Variants in RGS6 observed in about 807,000 individuals in gnomAD.
RGS6 encodes the protein regulator of G protein signaling 6, also known as regulator of G-protein signaling 6.
RGS6 carries 30 observed loss-of-function variants against 78.5 expected under a neutral mutation model. The observed-to-expected ratio is 0.38, with a 90% CI of 0.29 to 0.52. The LOEUF (loss-of-function observed/expected upper bound fraction) is 0.52. Ranked by LOEUF, RGS6 falls within the 20% of genes least tolerant of loss-of-function variation. RGS6 has a pLI of 0.85. For missense variants in RGS6, 495 were observed against 609.7 expected, an observed-to-expected ratio of 0.81 and a Z score of 1.98; for synonymous variants, 206 against 206.0, an observed-to-expected ratio of 1.00 and a Z score of 0.00.
At chr14:72,505,785 G>A (rs2096791141) in intron 13 of RGS6, among the ~76,000 whole-genome samples, 1 of 152,204 alleles carries the variant, frequency 6.6e-6, no homozygotes, top group Non-Finnish European at 1.5e-5. Context: ...CTTATATTAA[G>A]ATTTAAATAG....
At chr14:72,098,232 C>T (rs1026583074) in intron 2 of RGS6, among the ~76,000 whole-genome samples, 1 of 152,196 alleles carries the variant, frequency 6.6e-6, no homozygotes, top group African/African-American at 2.4e-5. Context: ...CTCTTTGAAC[C>T]CTCTGGACCC....
intron 15 of RGS6, among the ~76,000 whole-genome samples, chr14:72,520,495 G>A (rs765501908): frequency 6.6e-5 from 10 of 152,208 alleles, no homozygotes; most frequent in South Asian, 2.1e-4. Context: ...GATGTCTATC[G>A]CTTATATCCA....
Position 72,094,281 on chromosome 14 carries a change from G to C in RGS6, c.84+129406G>C, listed in dbSNP as rs139078444. On this transcript the variant is annotated intron_variant, in intron 2 of 17. Transcript: ENST00000553525. ...GCCTGGAACAGCCCAGCTACATTTA[G>C]TATGTTTATATTTTGGCTTTTTAAA... Among the ~76,000 whole-genome samples the C allele has an allele frequency of 6.6e-3, 1,000 of 152,276 alleles. 5 individuals carry two copies. Among genetic ancestry groups the C allele is most frequent in the African/African-American group, 0.022 (905 of 41,552 alleles).
chr14:72,252,643 C>T (rs760402124), intron 2 of RGS6, among the ~76,000 whole-genome samples: 4 of 151,982 alleles, frequency 2.6e-5, no homozygotes, highest in South Asian at 2.1e-4. Flanking sequence ...AACAGTGGCT[C>T]GTAACTGATG....
At chr14:72,602,732 CAT>C in the RGS6 span, among the ~76,000 whole-genome samples, 1 of 152,178 alleles carries the variant, frequency 6.6e-6, no homozygotes, top group Admixed American at 6.5e-5. Context: ...GGCCTCAAGA[CAT>C]AATTAAAAGC....
At chr14:72,366,344 TAGG>T (rs1452874013) in intron 3 of RGS6, among the ~76,000 whole-genome samples, 2 of 152,106 alleles carry the variant, frequency 1.3e-5, no homozygotes, top group African/African-American at 4.8e-5. Flanking sequence ...TGCACTGAGT[TAGG>T]GGATAGATAT....
chr14:72,015,336 G>A (rs1446084561), intron 2 of RGS6, among the ~76,000 whole-genome samples: 1 of 152,194 alleles, frequency 6.6e-6, no homozygotes, highest in Non-Finnish European at 1.5e-5. Flanking sequence ...CCATTCATGA[G>A]GAATCCGCCA....
intron 2 of RGS6, among the ~76,000 whole-genome samples, chr14:72,280,863 C>T (rs543105622): frequency 3.3e-5 from 5 of 152,314 alleles, no homozygotes; most frequent in African/African-American, 9.6e-5. Context: ...CTTCAAACGG[C>T]CAAATGCCTC....
In RGS6 at chr14:72,566,349, C is replaced by G. The variant is rs886725203; in HGVS notation, c.*3882C>G. 2.0e-5 allele frequency: 3 copies of G among 152,200 alleles called. No individual in the cohort carries two copies. Among genetic ancestry groups the G allele is most frequent in the African/African-American group, 7.2e-5 (3 of 41,446 alleles). 9.4% of individuals were successfully genotyped at this position (152,200 alleles called of 1,614,324 possible). On this transcript the variant is annotated 3_prime_UTR_variant, in exon 18 of 18. Transcript: ENST00000553525. Reference sequence around the variant, plus strand: ...TGGGGAGGGAAGGCCCTGCTCCATACCAGGGGTCCCTGTTCTATACTCTAA... The same window carrying G: ...TGGGGAGGGAAGGCCCTGCTCCATAGCAGGGGTCCCTGTTCTATACTCTAA...
At chr14:72,568,640 C>T (rs557304784), downstream of RGS6, among the ~76,000 whole-genome samples, 34 of 152,294 alleles carry the variant, frequency 2.2e-4, 1 homozygote, top group East Asian at 6.0e-3. Flanking sequence ...GGGCCGGAGG[C>T]GCCCTCCCCA....
chr14:72,620,093 C>A, the RGS6 span: 1 of 1,176,056 alleles, frequency 8.5e-7, no homozygotes, highest in Admixed American at 2.8e-5. Flanking sequence ...CTCACTGGAT[C>A]CCCTTTCCAG....
At chr14:72,510,826 C>A (rs940872032) in intron 14 of RGS6, among the ~76,000 whole-genome samples, 1 of 152,142 alleles carries the variant, frequency 6.6e-6, no homozygotes, top group Non-Finnish European at 1.5e-5. Context: ...TGACTTCTGT[C>A]GACTCCAAAT....
At chr14:72,392,296 A>G (rs1177050940) in intron 3 of RGS6, among the ~76,000 whole-genome samples, 1 of 152,046 alleles carries the variant, frequency 6.6e-6, no homozygotes, top group Admixed American at 6.6e-5. Context: ...GAGATGTTGG[A>G]GCTTGAAGTC....
At chr14:72,620,622 T>A in the RGS6 span, among the ~76,000 whole-genome samples, 1 of 152,216 alleles carries the variant, frequency 6.6e-6, no homozygotes, top group Non-Finnish European at 1.5e-5. Flanking sequence ...TACTTCTGCC[T>A]GGAGGCTCTC....
chr14:72,541,458 A>T (rs76881316), intron 17 of RGS6: 1 of 1,534,942 alleles, frequency 6.5e-7, no homozygotes, highest in Non-Finnish European at 8.7e-7. Context: ...GCCTTTCCTC[A>T]TGAGAAATCA....
intron 2 of RGS6, among the ~76,000 whole-genome samples, chr14:72,266,136 T>C (rs1438276249): frequency 2.0e-5 from 3 of 152,136 alleles, no homozygotes; most frequent in African/African-American, 7.2e-5. Flanking sequence ...CTCGCTGTAT[T>C]GAAGGGGGTC....
At chr14:72,560,839 T>TGTGTGTGTG (rs202222579) in intron 17 of RGS6, among the ~76,000 whole-genome samples, 5 of 142,490 alleles carry the variant, frequency 3.5e-5, no homozygotes, top group African/African-American at 1.1e-4. Context: ...TGTGTGTGTG[T>TGTGTGTGTG]TTAAGATGGG....
Position 72,486,609 on chromosome 14 carries a change from G to A in RGS6, c.854+8280G>A, listed in dbSNP as rs115226149. Among the ~76,000 whole-genome samples the A allele has an allele frequency of 3.1e-3, 472 of 152,282 alleles. 2 individuals are homozygous for A. The highest frequency in any genetic ancestry group is 0.011 in the African/African-American group (457 of 41,542). On this transcript the variant is annotated intron_variant, in intron 12 of 17. Coordinates refer to ENST00000553525, the MANE Select transcript of RGS6 (RefSeq NM_001204424.2). ...CCCTTGTACATTCACTGTATTCCTA[G>A]GCAGCACTTCTATCTCCATTTGGAT... is the stretch of plus-strand genomic sequence containing the variant.
intron 12 of RGS6, among the ~76,000 whole-genome samples, chr14:72,484,305 TTTTGTTTGTTTG>T (rs755753905): frequency 6.6e-6 from 1 of 152,162 alleles, no homozygotes; most frequent in Non-Finnish European, 1.5e-5. Flanking sequence ...TTTTGTTGGA[TTTTGTTTGTTTG>T]TTTGTTTGTT....
Sources: gnomAD v4.1 joint callset for allele counts (sites outside exome capture counted in the v4.1 genomes callset) on GRCh38, gnomAD v4.1.1 for gene constraint, MANE v1.5 for transcripts, NCBI Gene and HGNC (gene_info 2026-07-23, HGNC 2026-07-21) for gene names.